The following HSPG2 variants were observed in gnomAD, a reference collection of about 807,000 sequenced individuals.
HSPG2 encodes the protein basement membrane-specific heparan sulfate proteoglycan core protein.
Under a neutral mutation model 526.6 loss-of-function variants are expected in HSPG2, and 278 were observed. The ratio of observed to expected loss-of-function variants is 0.53; its 90% CI spans 0.48 to 0.58. HSPG2 has a LOEUF of 0.58. Among genes scored for constraint, HSPG2 ranks in the 20% least tolerant of loss-of-function variants. HSPG2 has a pLI of 0.00. For synonymous variants in HSPG2, 2,465 were observed against 2,555.4 expected, an observed-to-expected ratio of 0.96 and a Z score of 1.07; for missense variants, 5,354 against 6,099.5, an observed-to-expected ratio of 0.88 and a Z score of 4.07.
chr1:21,865,103 G>A lies in HSPG2; in HGVS notation c.4396-30C>T. On this transcript the variant is annotated intron_variant, in intron 35 of 96. Coordinates refer to ENST00000374695, the MANE Select transcript of HSPG2 (RefSeq NM_005529.7). This position sits in a 1 kb window ranked among gnomAD's most constrained non-coding sequence, Gnocchi z 5.4. ...GTTGGGGGTGGCAACGTGGGCGGGGGCAGTGGGCTTTGTGGGCTGCTCCTA... is the reference window on the plus strand; with the variant it reads ...GTTGGGGGTGGCAACGTGGGCGGGGACAGTGGGCTTTGTGGGCTGCTCCTA... The A allele has an allele frequency of 6.4e-7, 1 of 1,552,586 alleles. No individual in the cohort carries two copies. Among genetic ancestry groups the A allele is most frequent in the Non-Finnish European group, 8.7e-7 (1 of 1,146,376 alleles).
chr1:21,894,482 G>C (rs976798925), intron 3 of HSPG2, among the ~76,000 whole-genome samples: 2 of 152,180 alleles, frequency 1.3e-5, no homozygotes, highest in African/African-American at 4.8e-5. Context: ...GCAGGAGCCA[G>C]GGTTTGGCCT....
intron 6 of HSPG2, 34 bp downstream of exon 6, chr1:21,889,947 G>A (rs1389550214): frequency 6.0e-5 from 97 of 1,613,290 alleles, no homozygotes; most frequent in Non-Finnish European, 8.2e-5. Context: ...CACGAGTCTG[G>A]AGGAGGCGAT....
chr1:21,896,936 C>T (rs12066155), intron 1 of HSPG2, among the ~76,000 whole-genome samples: 1,659 of 152,306 alleles, frequency 0.011, 26 homozygotes, highest in African/African-American at 0.038. Context: ...GGCCCAGCAG[C>T]GCGGAGGCAG....
chr1:21,907,209 C>T (rs572844461), intron 1 of HSPG2, among the ~76,000 whole-genome samples: 4 of 152,286 alleles, frequency 2.6e-5, no homozygotes, highest in Admixed American at 2.0e-4. Flanking sequence ...GGTACCTGTG[C>T]CCCAGAGAGA....
Position 21,881,468 on chromosome 1 carries a change from C to T in HSPG2, c.1689G>A (p.Thr563=), listed in dbSNP as rs144988621. The T allele has an allele frequency of 1.7e-4, 279 of 1,612,904 alleles. 1 individual carries two copies. In the South Asian group the frequency reaches 2.1e-3, roughly 12 times the overall value. The change falls in exon 14 of 97, where the codon ACG becomes ACA. Residue 563 remains threonine, a synonymous_variant. Transcript: ENST00000374695. ...GCAGCTGCGTGGAGGAGAGGGGTGG[C>T]GTGCCGGGCTGCGCAGGCATTGTCA... ...VNVTMPAQPG[T]PPLSSTQLQI... is the part of the protein sequence containing the mutation.
At chr1:21,912,507 A>C (rs144787929) in intron 1 of HSPG2, among the ~76,000 whole-genome samples, 1 of 152,250 alleles carries the variant, frequency 6.6e-6, no homozygotes, top group East Asian at 1.9e-4. Context: ...TCACCTAGCC[A>C]ACACCCTCAC....
At position 21,887,582 on chromosome 1, in the gene HSPG2, G is replaced by A. The variant is rs1452229376; in HGVS notation, c.796C>T (p.Pro266Ser). ...PRPETTIMRQ[P>S]PVTHAPQPLL... ...GGCTGAGGAGCGTGGGTGACTGGTG[G>A]CTGTCGCATGATGGTTGTCTCTGGC... The change falls in exon 8 of 97, where the codon CCA becomes TCA. Residue 266 changes from proline (P) to serine (S), a missense_variant. Physicochemically the swap from Pro to Ser is moderately conservative, Grantham distance 74. Coordinates refer to ENST00000374695, the MANE Select transcript of HSPG2 (RefSeq NM_005529.7). This position sits in a 1 kb window ranked among gnomAD's most constrained non-coding sequence, Gnocchi z 5.0. 6.2e-7 allele frequency: 1 copy of A among 1,613,998 alleles called. No individual in the cohort carries two copies. Among genetic ancestry groups the A allele is most frequent in the African/African-American group, 1.3e-5 (1 of 74,932 alleles).
rs113743582 is a variant in HSPG2 at position 21,874,506 on chromosome 1, G to A, written c.3556C>T (p.Arg1186Trp). The stretch of plus-strand genomic sequence containing the variant: ...TATCCTGGCTGGCACTGCTCACACC[G>A]AGGGCCCTCCGTGTGATGCTGGCAG... ...QGCQHHTEGP[R>W]CEQCQPGYYG... is the part of the protein sequence containing the mutation. Residue 1186 changes from arginine to tryptophan, a missense_variant, in exon 28 of 97, where the codon CGG becomes TGG. Transcript: ENST00000374695. 44 of 1,613,260 alleles carry A rather than the reference G, an allele frequency of 2.7e-5. No individual in the cohort carries two copies. Among genetic ancestry groups the A allele is most frequent in the Admixed American group, 6.7e-5 (4 of 59,988 alleles).
chr1:21,841,917 C>A, intron 69 of HSPG2, 85 bp downstream of exon 69: 1 of 1,569,492 alleles, frequency 6.4e-7, no homozygotes, highest in Non-Finnish European at 8.7e-7. Flanking sequence ...GGCGTCCAGA[C>A]TTCTGCCCCA....
Position 21,839,330 on chromosome 1 carries a change from G to T in HSPG2, c.9889+41C>A. 1.9e-6 allele frequency: 3 copies of T among 1,599,108 alleles called. No homozygotes were observed. The South Asian group carries it at 3.3e-5, about 18-fold the overall frequency. Reference sequence around the variant, plus strand: ...GGGTGGAGCCTAGTCGGGGGGCTCAGATCTCCATTTGGTGCAGACAAAGAA... The same window carrying T: ...GGGTGGAGCCTAGTCGGGGGGCTCATATCTCCATTTGGTGCAGACAAAGAA... On this transcript the variant is annotated intron_variant, in intron 73 of 96. Transcript: ENST00000374695. This position sits in a 1 kb window ranked among gnomAD's most constrained non-coding sequence, Gnocchi z 4.5.
chr1:21,854,800 G>C (rs781512961), intron 48 of HSPG2, 35 bp from the exon 49 acceptor site: 1 of 1,613,030 alleles, frequency 6.2e-7, no homozygotes, highest in African/African-American at 1.3e-5. Flanking sequence ...GGCCCCAGGG[G>C]AGCCCTGGCT....
chr1:21,893,940 T>G lies in HSPG2; in HGVS notation c.244+1982A>C, dbSNP rs932949857. Among the ~76,000 whole-genome samples the G allele has an allele frequency of 6.9e-6, 1 of 144,846 alleles. No individual in the cohort carries two copies. Among genetic ancestry groups the G allele is most frequent in the Non-Finnish European group, 1.5e-5 (1 of 66,276 alleles). On this transcript the variant is annotated intron_variant, in intron 3 of 96. Transcript: ENST00000374695. The surrounding 1 kb of genome is among the most constrained non-coding windows in gnomAD (Gnocchi z 4.3). ...CAGAGGGCGACAGAAGCAGAGATGG[T>G]GAGCCAGAGAGAGGGAGAAGAACAG...
chr1:21,933,396 G>C (rs1260604176), intron 1 of HSPG2, among the ~76,000 whole-genome samples: 4 of 152,088 alleles, frequency 2.6e-5, no homozygotes, highest in Non-Finnish European at 5.9e-5. Flanking sequence ...CAGGTGAATG[G>C]GAGGATTCAC....
At chr1:21,829,818 G>A in intron 86 of HSPG2, 175 bp downstream of exon 86, 1 of 716,668 alleles carries the variant, frequency 1.4e-6, no homozygotes, top group Non-Finnish European at 2.4e-6. Context: ...CTCTTTGGGG[G>A]CCCTCACTCA....
chr1:21,921,100 C>T (rs1031082087), intron 1 of HSPG2, among the ~76,000 whole-genome samples: 1 of 152,160 alleles, frequency 6.6e-6, no homozygotes, highest in African/African-American at 2.4e-5. Flanking sequence ...AACTAAATAC[C>T]TCCCTCCCAG....
intron 71 of HSPG2, 80 bp downstream of exon 71, chr1:21,841,021 A>T: frequency 3.0e-6 from 4 of 1,336,460 alleles, no homozygotes; most frequent in Non-Finnish European, 4.2e-6. Context: ...CTGCCCATCC[A>T]CTACTATCTC....
chr1:21,863,026 C>T (rs1212507803), intron 37 of HSPG2, among the ~76,000 whole-genome samples: 17 of 128,876 alleles, frequency 1.3e-4, no homozygotes, highest in African/African-American at 4.4e-4. Context: ...TGCCATTGCA[C>T]TCCAGCCTGG....
chr1:21,919,773 C>G (rs9426782), intron 1 of HSPG2, among the ~76,000 whole-genome samples: 2,211 of 152,312 alleles, frequency 0.015, 61 homozygotes, highest in African/African-American at 0.049. Flanking sequence ...GAGGCCCGGG[C>G]TGCTAGTGCC....
chr1:21,908,346 G>A, intron 1 of HSPG2: 1 of 1,090,700 alleles, frequency 9.2e-7, no homozygotes, highest in South Asian at 1.2e-5. Flanking sequence ...TTAAGGGCAA[G>A]ATTCTTGCCA....
Sources: allele counts gnomAD v4.1 joint callset (sites outside exome capture counted in the v4.1 genomes callset), GRCh38; gene constraint gnomAD v4.1.1; non-coding constraint Gnocchi (gnomAD v3.1); transcripts MANE v1.5; gene names NCBI Gene and HGNC (gene_info 2026-07-23, HGNC 2026-07-21).